The following USP33 variants were observed in gnomAD, a reference collection of about 807,000 sequenced individuals.
USP33 encodes ubiquitin carboxyl-terminal hydrolase 33.
In USP33, 46 loss-of-function variants were observed where a neutral mutation model predicts 124.2. The observed-to-expected ratio is 0.37, with a 90% CI of 0.29 to 0.47. The LOEUF is 0.47. Ranked by LOEUF, USP33 falls within the 20% of genes least tolerant of loss-of-function variation. The probability of loss-of-function intolerance (pLI) is 0.99; values close to 1 mark genes in which losing one functional copy is unlikely to be tolerated. For synonymous variants in USP33, 350 were observed against 352.3 expected (o/e 0.99, Z 0.07); for missense variants, 851 against 1,070.6 (o/e 0.79, Z 2.86).
At chr1:77,742,189 C>T (rs1242903418) in intron 1 of USP33, among the ~76,000 whole-genome samples, 1 of 151,576 alleles carries the variant, frequency 6.6e-6, no homozygotes, top group African/African-American at 2.4e-5. Flanking sequence ...CTTCATTTTT[C>T]TACTAATAGG....
intron 1 of USP33, among the ~76,000 whole-genome samples, chr1:77,748,442 G>A (rs903735035): frequency 2.0e-5 from 3 of 151,978 alleles, no homozygotes; most frequent in Admixed American, 6.6e-5. Flanking sequence ...AGGCTGAGGC[G>A]GGTGGATCAC....
chr1:77,705,135 G>GT (rs921487868), intron 21 of USP33, among the ~76,000 whole-genome samples: 4 of 145,936 alleles, frequency 2.7e-5, no homozygotes, highest in African/African-American at 5.2e-5. Context: ...AAAGGGGGGG[G>GT]GCTGAATAAA....
Position 77,752,575 on chromosome 1 carries a change from GA to G in USP33, c.-52+7067del, listed in dbSNP as rs528555085. On this transcript the variant is annotated intron_variant, in intron 1 of 23. Transcript: ENST00000370794. The stretch of plus-strand genomic sequence containing the variant: ...TAAAAAGTCAGATTCACATTACAGA[GA>G]AAAAAAATTATGTCAGAAGGATTGG... Among the ~76,000 whole-genome samples the G allele has an allele frequency of 5.3e-5, 8 of 151,768 alleles. No individual in the cohort carries two copies. In the South Asian group the frequency reaches 1.5e-3, roughly 28 times the overall value.
At chr1:77,722,260 G>A in intron 12 of USP33, 64 bp from the exon 13 acceptor site, 2 of 1,352,914 alleles carry the variant, frequency 1.5e-6, no homozygotes, top group Non-Finnish European at 2.0e-6. Flanking sequence ...TCCAAGGTTA[G>A]ATTTTAGACT....
At chr1:77,752,572 A>G (rs1449917500) in intron 1 of USP33, among the ~76,000 whole-genome samples, 1 of 152,202 alleles carries the variant, frequency 6.6e-6, no homozygotes, top group Non-Finnish European at 1.5e-5. Context: ...TTCACATTAC[A>G]GAGAAAAAAA....
intron 20 of USP33, among the ~76,000 whole-genome samples, chr1:77,712,162 A>T (rs1557822654): frequency 6.6e-6 from 1 of 152,236 alleles, no homozygotes. Flanking sequence ...TTAGTTACAC[A>T]TCACAGTCAT....
At chr1:77,702,890 A>AG (rs1255542972) in intron 21 of USP33, among the ~76,000 whole-genome samples, 3 of 152,004 alleles carry the variant, frequency 2.0e-5, no homozygotes, top group Non-Finnish European at 4.4e-5. Context: ...ATTTGGAATT[A>AG]ATCTAATTGT....
At chr1:77,720,409 G>A (rs1002326103) in intron 15 of USP33, 1 of 985,310 alleles carries the variant, frequency 1.0e-6, no homozygotes, top group Non-Finnish European at 1.2e-6. Context: ...AGGGCTTCAA[G>A]AACAAAGTGA....
At chr1:77,731,380 T>C (rs1256598942) in intron 7 of USP33, among the ~76,000 whole-genome samples, 2 of 152,194 alleles carry the variant, frequency 1.3e-5, no homozygotes, top group Non-Finnish European at 2.9e-5. Context: ...TAAGGAAGTA[T>C]AGTCTGTCTG....
intron 22 of USP33, among the ~76,000 whole-genome samples, chr1:77,699,238 A>C (rs572181157): frequency 6.6e-6 from 1 of 152,248 alleles, no homozygotes; most frequent in South Asian, 2.1e-4. Context: ...GTCAAGAAAC[A>C]GGCTGGGCCC....
At chr1:77,738,216 C>A (rs894280143) in intron 5 of USP33, among the ~76,000 whole-genome samples, 1 of 152,190 alleles carries the variant, frequency 6.6e-6, no homozygotes, top group Middle Eastern at 3.4e-3. Context: ...TACAAACATA[C>A]AACAGAAAAA....
At chr1:77,709,541 A>T (rs1366277975) in intron 21 of USP33, among the ~76,000 whole-genome samples, 1 of 150,928 alleles carries the variant, frequency 6.6e-6, no homozygotes, top group Non-Finnish European at 1.5e-5. Context: ...ATATATAGAT[A>T]TATATAGATA....
chr1:77,736,797 A>C (rs1428352550), intron 5 of USP33, among the ~76,000 whole-genome samples: 1 of 152,038 alleles, frequency 6.6e-6, no homozygotes, highest in Non-Finnish European at 1.5e-5. Flanking sequence ...TTTAGTAGAG[A>C]AGGGGTTTCA....
intron 9 of USP33, among the ~76,000 whole-genome samples, chr1:77,729,637 C>T (rs1414056453): frequency 6.6e-6 from 1 of 151,972 alleles, no homozygotes; most frequent in Non-Finnish European, 1.5e-5. Flanking sequence ...CACCACTGCA[C>T]TCCAGCCTGG....
At position 77,725,604 on chromosome 1, in the gene USP33, A is replaced by G; in HGVS notation, c.1276+18T>C. ...TAAGACCCAAAGCAAAAGAGACTGA[A>G]TAAGAGAAACGTTTTACCTTTTTTG... On this transcript the variant is annotated intron_variant, in intron 11 of 23. Coordinates refer to ENST00000370794, the MANE Select transcript of USP33 (RefSeq NM_201624.3). 6.2e-7 allele frequency: 1 copy of G among 1,613,474 alleles called. No homozygotes were observed. Among genetic ancestry groups the G allele is most frequent in the Non-Finnish European group, 8.5e-7 (1 of 1,179,718 alleles).
chr1:77,725,571 T>C lies in USP33; in HGVS notation c.1276+51A>G, dbSNP rs1415184529. 6 of 1,572,738 alleles carry C rather than the reference T, an allele frequency of 3.8e-6. No individual in the cohort carries two copies. In the South Asian group the frequency reaches 4.7e-5, roughly 12 times the overall value. ...AAATTATCAAGTACCAAAACCATCA[T>C]TTTAAACTAAGACCCAAAGCAAAAG... On this transcript the variant is annotated intron_variant, in intron 11 of 23. Coordinates refer to ENST00000370794, the MANE Select transcript of USP33 (RefSeq NM_201624.3).
chr1:77,718,040 C>A lies in USP33; in HGVS notation c.1745G>T (p.Cys582Phe). ...ATGTCTGAATCTTTTAAGGTGGATG[C>A]ACAAAATCTAAAAAAGAATAAAATT... ...CKVQNFPEIL[C>F]IHLKRFRHEL... The change falls in exon 17 of 24, where the codon TGC becomes TTC. Residue 582 changes from cysteine to phenylalanine, a missense_variant. By Grantham distance (205) the Cys-to-Phe change is radical. Around this residue, in one of 4 missense-constraint regions of USP33, gnomAD observed 281 missense variants for 425.0 expected, o/e 0.66. Coordinates refer to ENST00000370794, the MANE Select transcript of USP33 (RefSeq NM_201624.3). The A allele has an allele frequency of 6.3e-7, 1 of 1,586,620 alleles. No individual in the cohort carries two copies. The highest frequency in any genetic ancestry group is 8.6e-7 in the Non-Finnish European group (1 of 1,168,210).
intron 1 of USP33, among the ~76,000 whole-genome samples, chr1:77,744,395 G>A (rs1467920146): frequency 2.0e-5 from 3 of 152,072 alleles, no homozygotes; most frequent in Admixed American, 2.0e-4. Context: ...AATTAAATCA[G>A]AACATCAGTG....
chr1:77,696,018 A>C lies in USP33; in HGVS notation c.*1299T>G, dbSNP rs888158075. On this transcript the variant is annotated 3_prime_UTR_variant, in exon 24 of 24. Transcript: ENST00000370794. ...ATTTTAAAGACATTTTTATTGAGCTAATTTTAACAACATTGCTTTAGCTGG... is the reference window on the plus strand; with the variant it reads ...ATTTTAAAGACATTTTTATTGAGCTCATTTTAACAACATTGCTTTAGCTGG... The C allele has an allele frequency of 6.6e-6, 1 of 152,236 alleles. No individual in the cohort carries two copies. The highest frequency in any genetic ancestry group is 2.4e-5 in the African/African-American group (1 of 41,460). 9.4% of individuals were successfully genotyped at this position (152,236 alleles called of 1,614,324 possible).
Sources: gnomAD v4.1 joint callset for allele counts (sites outside exome capture counted in the v4.1 genomes callset) on GRCh38, gnomAD v4.1.1 for gene constraint, gnomAD v4.1.1 regional missense constraint, MANE v1.5 for transcripts, NCBI Gene and HGNC (gene_info 2026-07-23, HGNC 2026-07-21) for gene names.